The following PRDM10 variants were observed in gnomAD, a reference collection of about 807,000 sequenced individuals.
The protein encoded by PRDM10 is PR/SET domain 10, also known as PR domain zinc finger protein 10.
Under a neutral mutation model 133.1 loss-of-function variants are expected in PRDM10, and 65 were observed. The ratio of observed to expected loss-of-function variants is 0.49; its 90% CI spans 0.40 to 0.60. The LOEUF is 0.60. Among genes scored for constraint, PRDM10 ranks in the 20% least tolerant of loss-of-function variants. The pLI, the probability that PRDM10 is intolerant of heterozygous loss-of-function variation, is 0.00. For missense variants in PRDM10, 1,137 were observed against 1,507.1 expected (o/e 0.75, Z 4.07); for synonymous variants, 582 against 580.4 (o/e 1.00, Z -0.04).
intron 1 of PRDM10, among the ~76,000 whole-genome samples, chr11:129,962,945 G>A (rs1565497989): frequency 6.6e-6 from 1 of 151,982 alleles, no homozygotes; most frequent in Admixed American, 6.6e-5. Flanking sequence ...GGCCAGGAGT[G>A]CAAGACTAGC....
intron 19 of PRDM10, 95 bp downstream of exon 19, chr11:129,910,381 A>ATTCT: frequency 6.5e-7 from 1 of 1,527,302 alleles, no homozygotes. Context: ...TGGCCAAGAG[A>ATTCT]TACTTTAAAA....
chr11:129,930,261 C>A (rs942604017), intron 11 of PRDM10, among the ~76,000 whole-genome samples: 6 of 152,198 alleles, frequency 3.9e-5, no homozygotes, highest in Admixed American at 1.3e-4. Context: ...CACTCAGCTG[C>A]CATAAACATG....
rs1005082083 is a variant in PRDM10 at position 129,917,300 on chromosome 11, G to T, written c.2215-63C>A. The T allele has an allele frequency of 3.3e-6, 4 of 1,216,536 alleles. No individual in the cohort carries two copies. In the African/African-American group the frequency reaches 4.6e-5, roughly 14 times the overall value. The allele number at this position is 1,216,536 out of a possible 1,614,324, so 75.4% of individuals were successfully genotyped here. A position where few individuals can be genotyped will look rare whatever the true frequency, so the allele number is the denominator to read the frequency against. ...CCCATTAACCAAACAGAAGCTACAC[G>T]AATGCCTCTGATAATGACCGCCAGA... On this transcript the variant is annotated intron_variant, in intron 14 of 20. Coordinates refer to ENST00000360871, the MANE Select transcript of PRDM10 (RefSeq NM_199437.2).
intron 17 of PRDM10, chr11:129,914,382 C>G (rs891472351): frequency 9.5e-6 from 4 of 422,430 alleles, no homozygotes; most frequent in Non-Finnish European, 1.8e-5. Context: ...TGGCTCATTA[C>G]CAAGCAGCCA....
chr11:129,938,679 TC>T (rs567350703), intron 7 of PRDM10, among the ~76,000 whole-genome samples: 97 of 152,242 alleles, frequency 6.4e-4, no homozygotes, highest in African/African-American at 2.1e-3. Flanking sequence ...TATACAGGCA[TC>T]AAAATATCAC....
intron 1 of PRDM10, among the ~76,000 whole-genome samples, chr11:129,982,354 C>G (rs1938162344): frequency 6.6e-6 from 1 of 151,990 alleles, no homozygotes; most frequent in South Asian, 2.1e-4. Flanking sequence ...CCACTGCCTC[C>G]CGGGCTCAAG....
intron 11 of PRDM10, among the ~76,000 whole-genome samples, chr11:129,927,402 G>C (rs779541417): frequency 3.3e-5 from 5 of 152,210 alleles, no homozygotes; most frequent in Non-Finnish European, 7.4e-5. Flanking sequence ...AAAGATGCAA[G>C]ATTCAGAGCA....
At chr11:129,907,145 G>GA (rs1950042054) in intron 19 of PRDM10, among the ~76,000 whole-genome samples, 5 of 151,992 alleles carry the variant, frequency 3.3e-5, no homozygotes, top group Admixed American at 3.3e-4. Context: ...GTATCAGGAG[G>GA]AAAAAAACAA....
chr11:129,920,247 C>T (rs1041024126), intron 13 of PRDM10, among the ~76,000 whole-genome samples: 2 of 152,202 alleles, frequency 1.3e-5, no homozygotes, highest in Non-Finnish European at 2.9e-5. Flanking sequence ...GACGGGCACA[C>T]ATTTGTTGGA....
At chr11:129,905,852 G>T in intron 19 of PRDM10, 111 bp from the exon 20 acceptor site, 1 of 871,962 alleles carries the variant, frequency 1.1e-6, no homozygotes, top group Non-Finnish European at 1.8e-6. Flanking sequence ...TGCCATGAGA[G>T]TCTCACAATG....
At chr11:129,985,748 C>T (rs1222141632) in intron 1 of PRDM10, among the ~76,000 whole-genome samples, 1 of 120,604 alleles carries the variant, frequency 8.3e-6, no homozygotes, top group African/African-American at 3.2e-5. Context: ...TGCCACTGCA[C>T]TCCAGCCTGG....
At chr11:129,902,965 C>T (rs549856106) in intron 20 of PRDM10, among the ~76,000 whole-genome samples, 2 of 152,196 alleles carry the variant, frequency 1.3e-5, no homozygotes, top group South Asian at 4.1e-4. Flanking sequence ...GGTTCTCAGA[C>T]TTCAGAATTT....
chr11:129,926,599 A>G (rs941963506), intron 11 of PRDM10, among the ~76,000 whole-genome samples: 6 of 152,254 alleles, frequency 3.9e-5, no homozygotes, highest in Admixed American at 6.5e-5. Context: ...ATTTCTAGAC[A>G]TAATTACTAT....
intron 1 of PRDM10, among the ~76,000 whole-genome samples, chr11:129,962,653 T>C (rs1042386148): frequency 6.6e-6 from 1 of 152,250 alleles, no homozygotes; most frequent in African/African-American, 2.4e-5. Context: ...GGAATATGTG[T>C]GTCAAAAGCT....
intron 1 of PRDM10, among the ~76,000 whole-genome samples, chr11:129,987,723 G>A (rs141435018): frequency 7.0e-4 from 106 of 152,272 alleles, no homozygotes; most frequent in African/African-American, 2.3e-3. Flanking sequence ...TGAAGACGCC[G>A]GGTGTGGTGG....
chr11:129,912,206 G>A lies in PRDM10; in HGVS notation c.2861C>T (p.Ser954Leu). The A allele has an allele frequency of 6.3e-7, 1 of 1,599,126 alleles. No individual in the cohort carries two copies. Among genetic ancestry groups the A allele is most frequent in the Non-Finnish European group, 8.5e-7 (1 of 1,170,950 alleles). Residue 954 changes from serine (S) to leucine (L), a missense_variant, in exon 18 of 21, where the codon TCA (serine) becomes TTA (leucine). By Grantham distance (145) the Ser-to-Leu change is moderately radical. This residue lies in a region of PRDM10 where 243 missense variants were observed against 259.2 expected (regional missense o/e 0.94). Coordinates refer to ENST00000360871, the MANE Select transcript of PRDM10 (RefSeq NM_199437.2). The part of the protein sequence containing the change: ...QVASATSPHQ[S>L]QQSTVDVGQL... ...GCCAACATCCACAGTGGACTGCTGT[G>A]ACTGGTGAGGGGAAGTGGCCTGGAA...
intron 8 of PRDM10, among the ~76,000 whole-genome samples, chr11:129,936,886 C>T (rs1191649988): frequency 6.6e-6 from 1 of 152,080 alleles, no homozygotes; most frequent in African/African-American, 2.4e-5. Context: ...ACCAAATCTA[C>T]AGTAAAATGG....
chr11:129,953,287 GTGTGTTT>G (rs1951625394), intron 4 of PRDM10, among the ~76,000 whole-genome samples: 1 of 151,708 alleles, frequency 6.6e-6, no homozygotes, highest in South Asian at 2.1e-4. Context: ...CGTCATTTCT[GTGTGTTT>G]TGTGTTTTGT....
At chr11:129,906,989 G>GAAAAAGA (rs562448524) in intron 19 of PRDM10, among the ~76,000 whole-genome samples, 10 of 139,650 alleles carry the variant, frequency 7.2e-5, no homozygotes, top group Non-Finnish European at 1.4e-4. Flanking sequence ...AAAAGAAAAA[G>GAAAAAGA]AAAAAAAAAA....
Sources: gnomAD v4.1 joint callset for allele counts (sites outside exome capture counted in the v4.1 genomes callset) on GRCh38, gnomAD v4.1.1 for gene constraint, gnomAD v4.1.1 regional missense constraint, MANE v1.5 for transcripts, NCBI Gene and HGNC (gene_info 2026-07-23, HGNC 2026-07-21) for gene names.